ULK1: variants seen among roughly 807,000 people sequenced by gnomAD.
The protein encoded by ULK1 is serine/threonine-protein kinase ULK1.
A neutral mutation model predicts 117.5 loss-of-function variants in ULK1; 48 were observed. The ratio of observed to expected loss-of-function variants is 0.41; its 90% CI spans 0.32 to 0.52. The LOEUF (loss-of-function observed/expected upper bound fraction) is 0.52. ULK1 is among the 20% of genes least tolerant of loss of function. The pLI is 0.29. For synonymous variants in ULK1, 790 were observed against 637.8 expected (o/e 1.24, Z -3.60); for missense variants, 1,387 against 1,473.4 (o/e 0.94, Z 0.96).
chr12:131,919,163 C>A, intron 23 of ULK1, 49 bp from the exon 24 acceptor site: 1 of 1,546,612 alleles, frequency 6.5e-7, no homozygotes, highest in South Asian at 1.2e-5. Context: ...GAGACAAGCC[C>A]CTTCCAAGCC....
At chr12:131,901,509 G>A (rs1889089486) in intron 3 of ULK1, among the ~76,000 whole-genome samples, 2 of 152,318 alleles carry the variant, frequency 1.3e-5, no homozygotes, top group South Asian at 2.1e-4. Flanking sequence ...CCTATCGAGG[G>A]CACGTCCGTC....
chr12:131,900,114 CAAAAAAAA>C (rs55658532), intron 3 of ULK1, among the ~76,000 whole-genome samples: 1 of 70,124 alleles, frequency 1.4e-5, no homozygotes, highest in Non-Finnish European at 2.8e-5. Flanking sequence ...GAAACTCTCT[CAAAAAAAA>C]AAAAAAAAAA....
chr12:131,907,216 C>T (rs1231715430), intron 4 of ULK1, among the ~76,000 whole-genome samples: 1 of 152,188 alleles, frequency 6.6e-6, no homozygotes, highest in South Asian at 2.1e-4. Flanking sequence ...GATGGGGTTT[C>T]GCCACGTTGG....
At chr12:131,907,682 G>A (rs1333120158) in intron 5 of ULK1, 151 bp downstream of exon 5, 2 of 1,007,208 alleles carry the variant, frequency 2.0e-6, no homozygotes. Context: ...TGGGCCTCTT[G>A]AGGGGATGCA....
At chr12:131,913,058 G>GC (rs1889610367) in intron 13 of ULK1, 140 bp from the exon 14 acceptor site, 13 of 720,124 alleles carry the variant, frequency 1.8e-5, no homozygotes, top group South Asian at 1.4e-4. Flanking sequence ...CCCAGGCTCT[G>GC]CCCCCCGCAA....
intron 12 of ULK1, among the ~76,000 whole-genome samples, chr12:131,911,632 G>A (rs1889540693): frequency 1.3e-5 from 2 of 152,204 alleles, no homozygotes; most frequent in Non-Finnish European, 2.9e-5. Flanking sequence ...CAGAGGGCAG[G>A]TGGTGAACAA....
rs145749850 is a variant in ULK1, at chr12:131,911,930, G to C, written c.949-12G>C. 3 of 1,612,738 alleles carry C rather than the reference G, an allele frequency of 1.9e-6. No homozygotes were observed. The highest frequency in any genetic ancestry group is 1.7e-5 in the Admixed American group (1 of 60,006). On this transcript the variant is annotated splice_polypyrimidine_tract_variant and intron_variant, in intron 12 of 27. Transcript: ENST00000321867. The stretch of plus-strand genomic sequence containing the variant: ...CTGAGACCTGCTCACCAGCCCCTCC[G>C]TTGACTCTCAGTCCCTGGGCGAGAT...
At chr12:131,919,703 G>C in intron 25 of ULK1, 113 bp downstream of exon 25, 1 of 1,297,810 alleles carries the variant, frequency 7.7e-7, no homozygotes. Flanking sequence ...CTGTGCAGAG[G>C]TGCAGAGGCC....
intron 21 of ULK1, 78 bp from the exon 22 acceptor site, chr12:131,917,333 G>T (rs369863440): frequency 1.0e-6 from 1 of 987,586 alleles, no homozygotes; most frequent in East Asian, 2.9e-5. Context: ...TGGGATGGGG[G>T]TCGGGTTCGG....
Position 131,909,798 on chromosome 12 carries a change from C to G in ULK1, c.690C>G (p.Arg230=), listed in dbSNP as rs1304709826. Residue 230 remains arginine, a synonymous_variant, in exon 9 of 28, where the codon CGC becomes CGG. Coordinates refer to ENST00000321867, the MANE Select transcript of ULK1 (RefSeq NM_003565.4). Reference sequence around the variant, plus strand: ...AGGCCAGCAGCCCCCAGGACCTGCGCCTGTTCTACGAGAAGAACAAGACGT... The same window carrying G: ...AGGCCAGCAGCCCCCAGGACCTGCGGCTGTTCTACGAGAAGAACAAGACGT... ...PFQASSPQDL[R]LFYEKNKTLV... 6.2e-7 allele frequency: 1 copy of G among 1,610,936 alleles called. No individual in the cohort carries two copies. The highest frequency in any genetic ancestry group is 2.2e-5 in the East Asian group (1 of 44,828).
Position 131,913,272 on chromosome 12 carries a change from C to A in ULK1, c.1157+14C>A. The A allele has an allele frequency of 6.5e-7, 1 of 1,548,346 alleles. No homozygotes were observed. Among genetic ancestry groups the A allele is most frequent in the Non-Finnish European group, 8.7e-7 (1 of 1,151,262 alleles). ...GATGTGCAGTGGGTGAGCCCCCATC[C>A]CTTACCTCTGTATTTTAGGGGAGAG... is the stretch of plus-strand genomic sequence containing the variant. On this transcript the variant is annotated intron_variant, in intron 14 of 27. Transcript: ENST00000321867.
intron 10 of ULK1, 104 bp downstream of exon 10, chr12:131,910,105 C>T: frequency 6.4e-7 from 1 of 1,561,154 alleles, no homozygotes; most frequent in African/African-American, 1.4e-5. Context: ...CATGTGCACA[C>T]TGCCCTTTCC....
At chr12:131,906,690 G>A in intron 3 of ULK1, 1 of 641,216 alleles carries the variant, frequency 1.6e-6, no homozygotes, top group Admixed American at 2.6e-5. Context: ...TTGATCAGAT[G>A]GAGACCTGGC....
intron 17 of ULK1, 25 bp downstream of exon 17, chr12:131,915,256 G>A (rs1889722405): frequency 6.2e-7 from 1 of 1,606,152 alleles, no homozygotes; most frequent in South Asian, 1.1e-5. Context: ...TGGGGCCTGG[G>A]AAGGGGCGTC....
chr12:131,895,810 C>T lies in ULK1; in HGVS notation c.232C>T (p.Leu78=), dbSNP rs532091608. 40 of 1,614,158 alleles carry T rather than the reference C, an allele frequency of 2.5e-5. No homozygotes were observed. In the Admixed American group the frequency reaches 5.3e-4, roughly 22 times the overall value. Residue 78 remains leucine, a synonymous_variant, in exon 3 of 28, where the codon CTG becomes TTG. Coordinates refer to ENST00000321867, the MANE Select transcript of ULK1 (RefSeq NM_003565.4). Reference sequence around the variant, plus strand: ...ACTGAAACATGAAAACATCGTGGCCCTGTACGACTTCCAGGTAAGGCCTCT... The same window carrying T: ...ACTGAAACATGAAAACATCGTGGCCTTGTACGACTTCCAGGTAAGGCCTCT... ...KELKHENIVA[L]YDFQEMANSV...
chr12:131,904,987 C>T (rs1290442844), intron 3 of ULK1, among the ~76,000 whole-genome samples: 1 of 152,110 alleles, frequency 6.6e-6, no homozygotes, highest in Non-Finnish European at 1.5e-5. Context: ...CCCTGGGCTC[C>T]CCACGTGCTC....
At chr12:131,917,623 T>C in intron 22 of ULK1, 69 bp downstream of exon 22, 3 of 1,294,950 alleles carry the variant, frequency 2.3e-6, no homozygotes, top group South Asian at 2.5e-5. Context: ...GACGGGGGCA[T>C]CCTTTAACTC....
intron 23 of ULK1, among the ~76,000 whole-genome samples, chr12:131,918,893 A>C (rs116114023): frequency 1.6e-3 from 10 of 6,116 alleles, no homozygotes; most frequent in African/African-American, 1.3e-3. Flanking sequence ...TGTGGGGTGT[A>C]GGGTGTGGGG....
In ULK1 at chr12:131,902,297, A is replaced by G. The variant is rs558748644; in HGVS notation, c.247-4595A>G. Among the ~76,000 whole-genome samples the G allele has an allele frequency of 5.7e-4, 87 of 152,182 alleles. No homozygotes were observed. Among genetic ancestry groups the G allele is most frequent in the Admixed American group, 1.6e-3 (24 of 15,294 alleles). ...GTGTGAACTAGGTCAGTGCCTGCTCACCAGGCCCAGCCCAGGATCACCAGA... is the reference window on the plus strand; with the variant it reads ...GTGTGAACTAGGTCAGTGCCTGCTCGCCAGGCCCAGCCCAGGATCACCAGA... On this transcript the variant is annotated intron_variant, in intron 3 of 27. Transcript: ENST00000321867. This position sits in a 1 kb window ranked among gnomAD's most constrained non-coding sequence, Gnocchi z 6.3.
Sources: allele counts gnomAD v4.1 joint callset (sites outside exome capture counted in the v4.1 genomes callset), GRCh38; gene constraint gnomAD v4.1.1; non-coding constraint Gnocchi (gnomAD v3.1); transcripts MANE v1.5; gene names NCBI Gene and HGNC (gene_info 2026-07-23, HGNC 2026-07-21).